VSTM1: variants seen among roughly 807,000 people sequenced by gnomAD.
VSTM1 encodes V-set and transmembrane domain containing 1.
Under a neutral mutation model 33.1 loss-of-function variants are expected in VSTM1, and 27 were observed. The observed-to-expected ratio is 0.82, with a 90% CI of 0.60 to 1.12. The LOEUF (loss-of-function observed/expected upper bound fraction) is 1.12. Among genes scored for constraint, VSTM1 ranks in the 50% most tolerant of loss-of-function variants. VSTM1 has a pLI of 0.00. For synonymous variants in VSTM1, 115 were observed against 110.3 expected, an observed-to-expected ratio of 1.04 and a Z score of -0.27; for missense variants, 304 against 288.9, an observed-to-expected ratio of 1.05 and a Z score of -0.38.
intron 1 of VSTM1, 140 bp from the exon 2 acceptor site, chr19:54,058,872 G>A (rs1440291366): frequency 1.6e-5 from 6 of 374,350 alleles, no homozygotes; most frequent in Non-Finnish European, 2.8e-5. Flanking sequence ...TATAATAAAT[G>A]TATTAAGTAT....
chr19:54,059,625 C>T (rs1252931971), intron 1 of VSTM1, among the ~76,000 whole-genome samples: 3 of 151,844 alleles, frequency 2.0e-5, no homozygotes, highest in African/African-American at 7.2e-5. Context: ...TGTGTGCCAT[C>T]GTGCCCAGCT....
chr19:54,047,622 G>A (rs1408924747), intron 4 of VSTM1, among the ~76,000 whole-genome samples: 1 of 152,020 alleles, frequency 6.6e-6, no homozygotes. Flanking sequence ...CATCTCCAAG[G>A]ACTTATGAAA....
intron 3 of VSTM1, among the ~76,000 whole-genome samples, chr19:54,054,216 G>C: frequency 7.0e-6 from 1 of 142,326 alleles, no homozygotes; most frequent in South Asian, 2.3e-4. Context: ...AGCTGCGATA[G>C]AGGTGAAGAA....
chr19:54,056,568 A>G (rs1232352658), intron 3 of VSTM1, among the ~76,000 whole-genome samples: 2 of 139,352 alleles, frequency 1.4e-5, no homozygotes, highest in Admixed American at 1.5e-4. Flanking sequence ...GCTCTGGTCC[A>G]CAGTTCTTCC....
At chr19:54,052,140 T>G (rs4806490) in intron 3 of VSTM1, among the ~76,000 whole-genome samples, 38,901 of 151,946 alleles carry the variant, frequency 0.26, 6,048 homozygotes, top group African/African-American at 0.43. Flanking sequence ...GGCTCACGCC[T>G]GTAATCCCAG....
chr19:54,045,262 C>G (rs532235738), intron 4 of VSTM1, among the ~76,000 whole-genome samples: 171 of 152,228 alleles, frequency 1.1e-3, no homozygotes, highest in African/African-American at 3.8e-3. Context: ...ATCTATCTAC[C>G]TATCTATCTT....
intron 1 of VSTM1, among the ~76,000 whole-genome samples, chr19:54,061,022 T>C (rs1394512411): frequency 6.9e-6 from 1 of 145,970 alleles, no homozygotes; most frequent in Non-Finnish European, 1.5e-5. Flanking sequence ...TTTTCTTTTT[T>C]TTTTTTTTTT....
At chr19:54,062,629 CA>C (rs1263027856) in intron 1 of VSTM1, among the ~76,000 whole-genome samples, 2 of 150,498 alleles carry the variant, frequency 1.3e-5, no homozygotes, top group African/African-American at 4.9e-5. Flanking sequence ...GAGGCGGAGG[CA>C]GGAGAATCGC....
intron 1 of VSTM1, among the ~76,000 whole-genome samples, chr19:54,058,998 G>T (rs1355905619): frequency 6.8e-6 from 1 of 146,654 alleles, no homozygotes; most frequent in African/African-American, 2.5e-5. Context: ...TCTTACTTTT[G>T]TTCCATTGTT....
chr19:54,050,810 T>C (rs2070801063), intron 4 of VSTM1, among the ~76,000 whole-genome samples: 1 of 150,930 alleles, frequency 6.6e-6, no homozygotes, highest in Non-Finnish European at 1.5e-5. Flanking sequence ...TGAAACCCCA[T>C]CTCTACTAAA....
chr19:54,052,810 C>T (rs1199376579), intron 3 of VSTM1: 1 of 145,858 alleles, frequency 6.9e-6, no homozygotes, highest in East Asian at 2.0e-4. Flanking sequence ...TACATCTAGT[C>T]CCTTATTTTC....
At chr19:54,055,642 T>C (rs2071051102) in intron 3 of VSTM1, 1 of 143,000 alleles carries the variant, frequency 7.0e-6, no homozygotes, top group South Asian at 2.3e-4. Context: ...GGTTTTTTCT[T>C]ACTTGCCTGA....
chr19:54,051,964 T>C (rs1434352163), intron 3 of VSTM1, among the ~76,000 whole-genome samples: 4 of 151,800 alleles, frequency 2.6e-5, no homozygotes, highest in Non-Finnish European at 5.9e-5. Flanking sequence ...TTTCACCATG[T>C]TGGCCAGGCT....
At chr19:54,060,687 T>C (rs868274560) in intron 1 of VSTM1, among the ~76,000 whole-genome samples, 2 of 152,032 alleles carry the variant, frequency 1.3e-5, no homozygotes, top group African/African-American at 4.8e-5. Context: ...AAACAGTGAT[T>C]CCTATATTCT....
intron 8 of VSTM1, among the ~76,000 whole-genome samples, chr19:54,041,460 C>T (rs1169935790): frequency 6.6e-5 from 10 of 152,116 alleles, no homozygotes; most frequent in African/African-American, 2.4e-4. Context: ...CACTACCACG[C>T]CCAGCTAATT....
intron 4 of VSTM1, chr19:54,048,382 C>G (rs1251120850): frequency 2.5e-6 from 1 of 395,332 alleles, no homozygotes; most frequent in Admixed American, 2.8e-5. Flanking sequence ...TCCCAAAGTC[C>G]TGGTATTACA....
rs533139379 is a variant in VSTM1 at position 54,055,231 on chromosome 19, C to T, written c.355+3075G>A. On this transcript the variant is annotated intron_variant, in intron 3 of 8. Coordinates refer to ENST00000338372, the MANE Select transcript of VSTM1 (RefSeq NM_198481.4). ...CATTATTTGCCATTCCTACATCCCT[C>T]ATAGAGCACTGGACACTCTTTCTGG... 2.1e-5 allele frequency among the ~76,000 whole-genome samples: 3 copies of T among 140,364 alleles called. 1 individual carries two copies. The highest frequency in any genetic ancestry group is 7.3e-5 in the Admixed American group (1 of 13,646). 92.1% of individuals were successfully genotyped at this position (140,364 alleles called of 152,430 possible).
intron 4 of VSTM1, among the ~76,000 whole-genome samples, chr19:54,045,314 A>G (rs1259423018): frequency 1.3e-5 from 2 of 151,972 alleles, no homozygotes; most frequent in African/African-American, 4.8e-5. Flanking sequence ...TATCCAATCT[A>G]TCCGTCCTAT....
chr19:54,047,202 A>T (rs2070635354), intron 4 of VSTM1, among the ~76,000 whole-genome samples: 1 of 152,172 alleles, frequency 6.6e-6, no homozygotes, highest in Non-Finnish European at 1.5e-5. Flanking sequence ...TCTCAAAACT[A>T]AATAAATAAT....
Sources: gnomAD v4.1 joint callset for allele counts (sites outside exome capture counted in the v4.1 genomes callset) on GRCh38, gnomAD v4.1.1 for gene constraint, MANE v1.5 for transcripts, NCBI Gene and HGNC (gene_info 2026-07-23, HGNC 2026-07-21) for gene names.